Variants in XPR1 observed in about 807,000 individuals in gnomAD.
The protein encoded by XPR1 is solute carrier family 53 member 1.
A neutral mutation model predicts 87.5 loss-of-function variants in XPR1; 28 were observed. The ratio of observed to expected loss-of-function variants is 0.32; its 90% CI spans 0.24 to 0.44. The LOEUF (loss-of-function observed/expected upper bound fraction) is 0.44. XPR1 is among the 20% of genes least tolerant of loss of function. The pLI is 1.00. For synonymous variants in XPR1, 300 were observed against 306.1 expected, an observed-to-expected ratio of 0.98 and a Z score of 0.21; for missense variants, 559 against 862.3, an observed-to-expected ratio of 0.65 and a Z score of 4.41.
At chr1:180,657,418 G>A (rs1046946152) in intron 1 of XPR1, among the ~76,000 whole-genome samples, 3 of 152,016 alleles carry the variant, frequency 2.0e-5, no homozygotes, top group African/African-American at 7.3e-5. Flanking sequence ...AGTTTCATAG[G>A]TTGAGGTTTT....
At chr1:180,744,817 G>GT (rs899080655) in intron 2 of XPR1, among the ~76,000 whole-genome samples, 42 of 151,508 alleles carry the variant, frequency 2.8e-4, no homozygotes, top group Admixed American at 1.4e-3. Flanking sequence ...CACCTGGCTA[G>GT]TTTTTTTGTA....
chr1:180,633,760 T>G (rs1326237234), intron 1 of XPR1, among the ~76,000 whole-genome samples: 1 of 152,246 alleles, frequency 6.6e-6, no homozygotes, highest in African/African-American at 2.4e-5. Flanking sequence ...CATTTAGTTT[T>G]AAAACCTTGG....
chr1:180,879,205 A>T (rs1023645916), intron 13 of XPR1, among the ~76,000 whole-genome samples: 1 of 152,168 alleles, frequency 6.6e-6, no homozygotes. Flanking sequence ...CACTTCTGTT[A>T]TTACCACCTT....
Position 180,889,561 on chromosome 1 carries a change from A to G in XPR1, c.*5495A>G, listed in dbSNP as rs915572556. ...AGCATGGTGGGAATTGGAGGGAAAG[A>G]TTGTGGAAAATCCCTAAAGGGTCAT... On this transcript the variant is annotated 3_prime_UTR_variant, in exon 15 of 15. Transcript: ENST00000367590. 1 of 152,254 alleles carries G rather than the reference A, an allele frequency of 6.6e-6. No homozygotes were observed. Among genetic ancestry groups the G allele is most frequent in the East Asian group, 1.9e-4 (1 of 5,196 alleles). 9.4% of individuals were successfully genotyped at this position (152,254 alleles called of 1,614,324 possible).
intron 2 of XPR1, among the ~76,000 whole-genome samples, chr1:180,782,364 A>C (rs910498734): frequency 2.0e-5 from 3 of 152,008 alleles, no homozygotes; most frequent in Admixed American, 6.6e-5. Flanking sequence ...TAAACAACAG[A>C]AATTTGTTTT....
chr1:180,842,721 G>C (rs557812480), intron 11 of XPR1, among the ~76,000 whole-genome samples: 5 of 152,054 alleles, frequency 3.3e-5, no homozygotes, highest in Non-Finnish European at 7.4e-5. Flanking sequence ...TAATAGAAAA[G>C]GCCATTATGT....
intron 2 of XPR1, among the ~76,000 whole-genome samples, chr1:180,748,400 C>CTTT (rs71297873): frequency 0.012 from 365 of 29,680 alleles, 102 homozygotes; most frequent in Middle Eastern, 0.062. Context: ...TTATTTATGT[C>CTTT]TTTTTTTTTT....
At chr1:180,854,910 A>T (rs886299275) in intron 11 of XPR1, among the ~76,000 whole-genome samples, 32 of 152,210 alleles carry the variant, frequency 2.1e-4, no homozygotes, top group African/African-American at 6.5e-4. Context: ...GGGACACATT[A>T]TATGTGTAGG....
intron 2 of XPR1, among the ~76,000 whole-genome samples, chr1:180,780,793 A>C (rs1479819684): frequency 6.6e-6 from 1 of 151,316 alleles, no homozygotes; most frequent in Non-Finnish European, 1.5e-5. Flanking sequence ...GAGATGCAAG[A>C]GTTGAAAGTC....
intron 2 of XPR1, among the ~76,000 whole-genome samples, chr1:180,765,365 G>T (rs1360218665): frequency 1.3e-5 from 2 of 152,170 alleles, no homozygotes; most frequent in Non-Finnish European, 2.9e-5. Context: ...CATTATGCTG[G>T]ACTGATTTCA....
chr1:180,825,261 C>T lies in XPR1; in HGVS notation c.1051C>T (p.Leu351Phe), dbSNP rs762490345. Residue 351 changes from leucine to phenylalanine, a missense_variant, in exon 9 of 15, where the codon CTT (leucine) becomes TTT (phenylalanine). This residue lies in a region of XPR1 where 264 missense variants were observed against 377.2 expected (regional missense o/e 0.70). Transcript: ENST00000367590. ...VIPTYVYPLA[L>F]YGFMVFFLIN... is the part of the protein sequence containing the mutation. ...CCCCACATATGTGTATCCACTTGCC[C>T]TTTATGGATTTATGGTTTTCTTCCT... 2 of 1,614,028 alleles carry T rather than the reference C, an allele frequency of 1.2e-6. No homozygotes were observed. The highest frequency in any genetic ancestry group is 2.2e-5 in the South Asian group (2 of 91,066).
At chr1:180,640,463 C>T (rs1404973695) in intron 1 of XPR1, among the ~76,000 whole-genome samples, 3 of 152,168 alleles carry the variant, frequency 2.0e-5, no homozygotes, top group Non-Finnish European at 4.4e-5. Flanking sequence ...ATTGTAAGAG[C>T]CCATGCTCTT....
chr1:180,685,020 A>G (rs1445005505), intron 2 of XPR1, among the ~76,000 whole-genome samples: 7 of 151,936 alleles, frequency 4.6e-5, no homozygotes, highest in Non-Finnish European at 8.8e-5. Flanking sequence ...TTCCAACACT[A>G]TGTTGAATAG....
At chr1:180,839,482 A>T (rs988961540) in intron 11 of XPR1, among the ~76,000 whole-genome samples, 3 of 152,184 alleles carry the variant, frequency 2.0e-5, no homozygotes, top group African/African-American at 7.2e-5. Context: ...ATTTTATCAT[A>T]TTCTTTAAAT....
intron 2 of XPR1, among the ~76,000 whole-genome samples, chr1:180,776,885 A>G (rs1051231764): frequency 5.9e-5 from 9 of 152,158 alleles, no homozygotes; most frequent in African/African-American, 2.2e-4. Context: ...TGTTCTACCA[A>G]GAATATTTTA....
At chr1:180,780,146 CAT>C (rs761117601) in intron 2 of XPR1, among the ~76,000 whole-genome samples, 20 of 152,126 alleles carry the variant, frequency 1.3e-4, no homozygotes, top group Non-Finnish European at 2.8e-4. Context: ...TTTCTGTGAA[CAT>C]ATGTTTTTAC....
intron 10 of XPR1, 60 bp downstream of exon 10, chr1:180,835,105 G>A: frequency 6.5e-7 from 1 of 1,536,016 alleles, no homozygotes. Context: ...GATATATTGG[G>A]AAGGATAAAT....
At chr1:180,877,188 A>G (rs1160374985) in intron 13 of XPR1, among the ~76,000 whole-genome samples, 2 of 152,228 alleles carry the variant, frequency 1.3e-5, no homozygotes, top group Non-Finnish European at 2.9e-5. Context: ...CCAGTTCTGT[A>G]ATTTATATGG....
At chr1:180,651,093 A>G (rs1482637873) in intron 1 of XPR1, among the ~76,000 whole-genome samples, 2 of 151,096 alleles carry the variant, frequency 1.3e-5, no homozygotes, top group East Asian at 3.9e-4. Context: ...GTAGCTGGAC[A>G]TTTGGAATCC....
Sources: gnomAD v4.1 joint callset for allele counts (sites outside exome capture counted in the v4.1 genomes callset) on GRCh38, gnomAD v4.1.1 for gene constraint, gnomAD v4.1.1 regional missense constraint, MANE v1.5 for transcripts, NCBI Gene and HGNC (gene_info 2026-07-23, HGNC 2026-07-21) for gene names.